The following PRUNE2 variants were observed in gnomAD, a reference collection of about 807,000 sequenced individuals.
PRUNE2 encodes the protein prune homolog 2 with BCH domain, also known as protein prune homolog 2.
In PRUNE2, 164 loss-of-function variants were observed where a neutral mutation model predicts 252.0. The observed-to-expected ratio is 0.65, with a 90% CI of 0.57 to 0.74. The LOEUF (loss-of-function observed/expected upper bound fraction) is 0.74, where lower values mean the gene tolerates loss of function less well. Ranked by LOEUF, PRUNE2 falls within the 30% of genes least tolerant of loss-of-function variation. PRUNE2 has a pLI of 0.00. For synonymous variants in PRUNE2, 1,292 were observed against 1,350.2 expected (o/e 0.96, Z 0.94); for missense variants, 3,495 against 3,711.0 (o/e 0.94, Z 1.51).
intron 4 of PRUNE2, among the ~76,000 whole-genome samples, chr9:76,833,996 C>T (rs2058819423): frequency 6.6e-6 from 1 of 151,134 alleles, no homozygotes; most frequent in Admixed American, 6.6e-5. Context: ...GATTCTCCTG[C>T]CTCAGCCTCC....
intron 6 of PRUNE2, chr9:76,785,643 G>A (rs1433619926): frequency 6.6e-6 from 1 of 152,084 alleles, no homozygotes; most frequent in Non-Finnish European, 1.5e-5. Context: ...TTAATTGAAA[G>A]AAATAGGGCA....
At chr9:76,788,738 AAG>A (rs1365924841) in intron 6 of PRUNE2, among the ~76,000 whole-genome samples, 1 of 152,182 alleles carries the variant, frequency 6.6e-6, no homozygotes, top group Non-Finnish European at 1.5e-5. Context: ...ATCTTATAAG[AAG>A]AGAGAGAGAC....
At chr9:76,720,027 T>C (rs2047493150) in intron 6 of PRUNE2, among the ~76,000 whole-genome samples, 1 of 152,210 alleles carries the variant, frequency 6.6e-6, no homozygotes, top group Admixed American at 6.5e-5. Context: ...ATTACTTTAA[T>C]AACTAAAACT....
chr9:76,769,065 C>T (rs1017037654), intron 6 of PRUNE2, among the ~76,000 whole-genome samples: 3 of 152,184 alleles, frequency 2.0e-5, no homozygotes, highest in Admixed American at 1.3e-4. Context: ...TACTCATATG[C>T]AGACTTTATC....
At chr9:76,671,553 C>T (rs369683650) in intron 9 of PRUNE2, among the ~76,000 whole-genome samples, 3 of 152,032 alleles carry the variant, frequency 2.0e-5, no homozygotes, top group Non-Finnish European at 2.9e-5. Flanking sequence ...ATACAGAGAA[C>T]GCCACAAAGA....
At chr9:76,736,058 G>T (rs1357164221) in intron 6 of PRUNE2, among the ~76,000 whole-genome samples, 1 of 151,950 alleles carries the variant, frequency 6.6e-6, no homozygotes, top group African/African-American at 2.4e-5. Flanking sequence ...TGTAATCTAA[G>T]GAGAAAATAT....
At chr9:76,776,042 T>G (rs2053697178) in intron 6 of PRUNE2, among the ~76,000 whole-genome samples, 1 of 152,180 alleles carries the variant, frequency 6.6e-6, no homozygotes, top group Admixed American at 6.5e-5. Flanking sequence ...AAGCATCCCT[T>G]CTTTATAACT....
chr9:76,613,511 C>T lies in PRUNE2; in HGVS notation c.*1059G>A, dbSNP rs1044466311. 1 of 152,094 alleles carries T rather than the reference C, an allele frequency of 6.6e-6. No individual in the cohort carries two copies. The highest frequency in any genetic ancestry group is 6.6e-5 in the Admixed American group (1 of 15,264). 9.4% of individuals were successfully genotyped at this position (152,094 alleles called of 1,614,324 possible). A position where few individuals can be genotyped will look rare whatever the true frequency, so the allele number is the denominator to read the frequency against. ...TTTTTCCAACCCAAAATGTAAAAACCATTCTTAGCTTGCAGTGGTGAGCGA... is the reference window on the plus strand; with the variant it reads ...TTTTTCCAACCCAAAATGTAAAAACTATTCTTAGCTTGCAGTGGTGAGCGA... On this transcript the variant is annotated 3_prime_UTR_variant, in exon 19 of 19. Transcript: ENST00000376718.
At chr9:76,772,675 C>T (rs752312786) in intron 6 of PRUNE2, among the ~76,000 whole-genome samples, 1 of 152,072 alleles carries the variant, frequency 6.6e-6, no homozygotes, top group South Asian at 2.1e-4. Context: ...GCAATCCACC[C>T]ACCTCAGCCT....
intron 4 of PRUNE2, among the ~76,000 whole-genome samples, chr9:76,841,219 G>A (rs2059376608): frequency 6.6e-6 from 1 of 151,980 alleles, no homozygotes; most frequent in Admixed American, 6.6e-5. Flanking sequence ...AGGGGTCGGG[G>A]AACTCCCTCC....
At chr9:76,733,951 A>G (rs2048859080) in intron 6 of PRUNE2, among the ~76,000 whole-genome samples, 2 of 151,028 alleles carry the variant, frequency 1.3e-5, no homozygotes, top group Admixed American at 6.6e-5. Flanking sequence ...TGAAAGATGG[A>G]TAACGTTAAT....
chr9:76,755,745 C>T (rs1392086192), intron 6 of PRUNE2, among the ~76,000 whole-genome samples: 1 of 152,126 alleles, frequency 6.6e-6, no homozygotes, highest in African/African-American at 2.4e-5. Flanking sequence ...TTTGTCACCC[C>T]AGGCTGGAGT....
rs517634 is a variant in PRUNE2, at chr9:76,706,360, T to C, written c.5914A>G (p.Thr1972Ala). 1,250,247 of 1,613,816 alleles carry C rather than the reference T, an allele frequency of 0.77. 486,197 individuals are homozygous for C. The highest frequency in any genetic ancestry group is 0.96 in the East Asian group (42,866 of 44,878). Residue 1972 changes from threonine (T) to alanine (A), a missense_variant, in exon 8 of 19, where the codon ACA (threonine) becomes GCA (alanine). Transcript: ENST00000376718. ...TMLPVCDHPD[T>A]AFTHAEENSC... The stretch of plus-strand genomic sequence containing the variant: ...TTTTCCTCTGCGTGAGTAAAGGCTG[T>C]GTCCGGATGATCACAGACTGGCAGC...
In PRUNE2 at chr9:76,705,794, G is replaced by C. The variant is rs370025434; in HGVS notation, c.6480C>G (p.Leu2160=). 4 of 1,613,608 alleles carry C rather than the reference G, an allele frequency of 2.5e-6. No individual in the cohort carries two copies. The highest frequency in any genetic ancestry group is 1.3e-5 in the African/African-American group (1 of 74,880). ...GCAGCACAGTTGCGTTTTCAGAATC[G>C]AGTTCTGCATTGGATGGGACAAACT... ...GREFVPSNAE[L]DSENATVLPP... is the part of the protein sequence containing the mutation. Residue 2160 remains leucine, a synonymous_variant, in exon 8 of 19, where the codon CTC becomes CTG. Coordinates refer to ENST00000376718, the MANE Select transcript of PRUNE2 (RefSeq NM_015225.3).
chr9:76,894,160 T>TG (rs2062665853), intron 1 of PRUNE2, among the ~76,000 whole-genome samples: 1 of 152,192 alleles, frequency 6.6e-6, no homozygotes, highest in African/African-American at 2.4e-5. Flanking sequence ...GAATCAAAGT[T>TG]GTAAATTAAT....
chr9:76,799,437 T>G (rs1160338671), intron 6 of PRUNE2, among the ~76,000 whole-genome samples: 1 of 152,200 alleles, frequency 6.6e-6, no homozygotes, highest in Non-Finnish European at 1.5e-5. Context: ...GTAAAATTTA[T>G]TTTTGCCACA....
chr9:76,728,286 A>T (rs878965103), intron 6 of PRUNE2, among the ~76,000 whole-genome samples: 5 of 152,042 alleles, frequency 3.3e-5, no homozygotes, highest in Admixed American at 3.3e-4. Context: ...AATTATCTAA[A>T]CCTGTATGTT....
At chr9:76,681,014 A>T (rs1043517713) in intron 9 of PRUNE2, among the ~76,000 whole-genome samples, 4 of 152,220 alleles carry the variant, frequency 2.6e-5, no homozygotes, top group East Asian at 1.9e-4. Flanking sequence ...GTAGGGACAC[A>T]GAGCCAAACC....
intron 6 of PRUNE2, among the ~76,000 whole-genome samples, chr9:76,724,403 G>A (rs2047926512): frequency 6.6e-6 from 1 of 151,110 alleles, no homozygotes; most frequent in Non-Finnish European, 1.5e-5. Flanking sequence ...GAGCCTGGGT[G>A]GGGGTGGAGG....
Sources: allele counts gnomAD v4.1 joint callset (sites outside exome capture counted in the v4.1 genomes callset), GRCh38; gene constraint gnomAD v4.1.1; transcripts MANE v1.5; gene names NCBI Gene and HGNC (gene_info 2026-07-23, HGNC 2026-07-21).